Variants in PCGF2 observed in about 807,000 individuals in gnomAD.
The protein encoded by PCGF2 is polycomb group ring finger 2.
In PCGF2, 8 loss-of-function variants were observed where a neutral mutation model predicts 36.1. The ratio of observed to expected loss-of-function variants is 0.22; its 90% CI spans 0.13 to 0.40. The LOEUF (loss-of-function observed/expected upper bound fraction) is 0.40. PCGF2 is among the 10% of genes least tolerant of loss of function. The pLI, the probability that PCGF2 is intolerant of heterozygous loss-of-function variation, is 1.00. For synonymous variants in PCGF2, 198 were observed against 191.2 expected (o/e 1.04, Z -0.29); for missense variants, 436 against 475.9 (o/e 0.92, Z 0.78).
chr17:38,740,195 G>T, intron 3 of PCGF2, 96 bp downstream of exon 3: 1 of 1,136,796 alleles, frequency 8.8e-7, no homozygotes, highest in Non-Finnish European at 1.3e-6. Flanking sequence ...GGCTCTTTAG[G>T]GCAAGGGTTT....
At chr17:38,743,386 C>T (rs1347072938) in intron 2 of PCGF2, among the ~76,000 whole-genome samples, 7 of 117,522 alleles carry the variant, frequency 6.0e-5, no homozygotes, top group South Asian at 2.9e-4. Context: ...CCACCACACC[C>T]GGCTGACACT....
chr17:38,748,396 A>C (rs1173812404), upstream of PCGF2: 3 of 76,782 alleles, frequency 3.9e-5, no homozygotes. Flanking sequence ...GAGGGACCGG[A>C]GTGTGGGGGG....
At chr17:38,743,094 CTT>C (rs71138648) in intron 2 of PCGF2, among the ~76,000 whole-genome samples, 7 of 138,722 alleles carry the variant, frequency 5.0e-5, no homozygotes, top group Admixed American at 7.2e-5. Flanking sequence ...GACACTTGCT[CTT>C]TTTTTTTTTT....
At chr17:38,736,212 C>T (rs751817333) in intron 9 of PCGF2, 42 bp from the exon 10 acceptor site, 9 of 1,351,290 alleles carry the variant, frequency 6.7e-6, no homozygotes, top group East Asian at 4.9e-5. Context: ...CTGGCCAGCT[C>T]GGGGCTCCAG....
Position 38,739,377 on chromosome 17 carries a change from G to A in PCGF2, c.210-124C>T, listed in dbSNP as rs1907019593. ...TCCTGAGACCGGTGCCCAGGCATTAGGATCCCTGTGGGTCTGGTCTTTGCC... is the reference window on the plus strand; with the variant it reads ...TCCTGAGACCGGTGCCCAGGCATTAAGATCCCTGTGGGTCTGGTCTTTGCC... On this transcript the variant is annotated intron_variant, in intron 4 of 10. Coordinates refer to ENST00000620225, the MANE Select transcript of PCGF2 (RefSeq NM_007144.3). The surrounding 1 kb of genome is among the most constrained non-coding windows in gnomAD (Gnocchi z 4.0). 1 of 959,358 alleles carries A rather than the reference G, an allele frequency of 1.0e-6. No homozygotes were observed. The highest frequency in any genetic ancestry group is 1.9e-5 in the Admixed American group (1 of 52,108). 59.4% of individuals were successfully genotyped at this position (959,358 alleles called of 1,614,324 possible).
At chr17:38,738,975 C>A (rs1021526869) in intron 6 of PCGF2, 93 bp downstream of exon 6, 1 of 1,537,316 alleles carries the variant, frequency 6.5e-7, no homozygotes, top group East Asian at 2.2e-5. Context: ...GAGAGGTGTG[C>A]GCGGAGGAGG....
rs142726110 is a variant in PCGF2, at chr17:38,736,469, G to A, written c.577-299C>T. On this transcript the variant is annotated intron_variant, in intron 9 of 10. Coordinates refer to ENST00000620225, the MANE Select transcript of PCGF2 (RefSeq NM_007144.3). ...CAGGTCGCCCAGAGGAGCTGAAAAG[G>A]CTCAGGGGGATCTCCTGGAACTCTG... Among the ~76,000 whole-genome samples, 12 of 152,276 alleles carry A rather than the reference G, an allele frequency of 7.9e-5. No individual in the cohort carries two copies. The East Asian group carries it at 2.1e-3, about 27-fold the overall frequency.
At position 38,735,101 on chromosome 17, in the gene PCGF2, A is replaced by T; in HGVS notation, c.*122T>A. On this transcript the variant is annotated 3_prime_UTR_variant, in exon 11 of 11. Coordinates refer to ENST00000620225, the MANE Select transcript of PCGF2 (RefSeq NM_007144.3). ...CATATATATATATATTTATTTATAA[A>T]ACCCGCCCCCCACCCCCAAGGTGGG... 6 of 636,020 alleles carry T rather than the reference A, an allele frequency of 9.4e-6. No homozygotes were observed. The highest frequency in any genetic ancestry group is 1.4e-5 in the Non-Finnish European group (6 of 423,638). The allele number at this position is 636,020 out of a possible 1,614,324, so 39.4% of individuals were successfully genotyped here.
At chr17:38,749,567 C>T (rs1486713074), upstream of PCGF2, 1 of 450,516 alleles carries the variant, frequency 2.2e-6, no homozygotes, top group African/African-American at 2.0e-5. The surrounding 1 kb of genome is among the most constrained non-coding windows in gnomAD (Gnocchi z 6.5). Context: ...GCGTCTGTCC[C>T]TCCAGAGAGC....
Position 38,739,112 on chromosome 17 carries a change from A to G in PCGF2, c.272T>C (p.Met91Thr). ...TGCATAGAAATCCCGCCGCCGTTTC[A>G]TCTCATCTGGAAGAAGGCAGCAGGA... ...KLVPGLFKDEMKRRRDFYAAY... is the reference protein window; with the variant it reads ...KLVPGLFKDETKRRRDFYAAY... The change falls in exon 6 of 11, where the codon ATG becomes ACG. Residue 91 changes from methionine (M) to threonine (T), a missense_variant. By Grantham distance (81) the Met-to-Thr change is moderately conservative. This residue lies in a region of PCGF2 where 189 missense variants were observed against 219.3 expected (regional missense o/e 0.86). Transcript: ENST00000620225. The surrounding 1 kb of genome is among the most constrained non-coding windows in gnomAD (Gnocchi z 4.0). 1.2e-6 allele frequency: 2 copies of G among 1,614,052 alleles called. No individual in the cohort carries two copies. Among genetic ancestry groups the G allele is most frequent in the Non-Finnish European group, 8.5e-7 (1 of 1,180,014 alleles).
intron 6 of PCGF2, 98 bp downstream of exon 6, chr17:38,738,970 G>A: frequency 6.5e-7 from 1 of 1,535,258 alleles, no homozygotes. Flanking sequence ...TTCTGGAGAG[G>A]TGTGCGCGGA....
At chr17:38,743,249 C>T (rs946155105) in intron 2 of PCGF2, among the ~76,000 whole-genome samples, 3 of 146,972 alleles carry the variant, frequency 2.0e-5, no homozygotes, top group African/African-American at 5.2e-5. Context: ...TGCCACCACA[C>T]TGGCTAATTT....
chr17:38,738,303 T>G, intron 9 of PCGF2, 50 bp downstream of exon 9: 1 of 1,461,490 alleles, frequency 6.8e-7, no homozygotes, highest in Non-Finnish European at 9.6e-7. Flanking sequence ...ACAGACTGTC[T>G]GACACACCCA....
rs190076664 is a variant in PCGF2 at position 38,743,045 on chromosome 17, G to A, written c.-40-2603C>T. Among the ~76,000 whole-genome samples the A allele has an allele frequency of 2.0e-5, 3 of 151,292 alleles. No homozygotes were observed. The East Asian group carries it at 5.8e-4, about 29-fold the overall frequency. ...GCTCCGCACACTTCACATCGTGCCC[G>A]AGCCACCTCATTCACACACTCGCTG... On this transcript the variant is annotated intron_variant, in intron 2 of 10. Transcript: ENST00000620225.
Position 38,738,808 on chromosome 17 carries a change from C to A in PCGF2, c.370G>T (p.Ala124Ser). ...RGEVLEQEKG[A>S]LSDDEIVSLS... Reference sequence around the variant, plus strand: ...CTGACAATCTCATCATCACTCAGAGCCCCCTTCTCCTGCTCCAAGACCTCG... The same window carrying A: ...CTGACAATCTCATCATCACTCAGAGACCCCTTCTCCTGCTCCAAGACCTCG... The change falls in exon 7 of 11, where the codon GCT becomes TCT. Residue 124 changes from alanine (A) to serine (S), a missense_variant. By Grantham distance (99) the Ala-to-Ser change is moderately conservative (BLOSUM62 1). Transcript: ENST00000620225. The A allele has an allele frequency of 6.2e-7, 1 of 1,614,030 alleles. No individual in the cohort carries two copies.
intron 2 of PCGF2, among the ~76,000 whole-genome samples, chr17:38,745,100 A>C (rs1218689358): frequency 6.6e-6 from 1 of 152,210 alleles, no homozygotes; most frequent in Non-Finnish European, 1.5e-5. Flanking sequence ...CGGGAGGCCA[A>C]GACGGGCGGA....
In PCGF2 at chr17:38,739,590, T is replaced by C. The variant is rs760327885; in HGVS notation, c.205A>G (p.Ile69Val). 3.1e-6 allele frequency: 5 copies of C among 1,612,296 alleles called. No homozygotes were observed. The highest frequency in any genetic ancestry group is 2.2e-5 in the East Asian group (1 of 44,852). The stretch of plus-strand genomic sequence containing the variant: ...GAGGTGCCGTGCCAAGCCCACCTGA[T>C]GCTCAGCAGCGGCCGGGTTTTATGG... ...QVHKTRPLLS[I>V]RSDKTLQDIV... The change falls in exon 4 of 11, where the codon ATC (isoleucine) becomes GTC (valine). Residue 69 changes from isoleucine (I) to valine (V), a missense_variant. By Grantham distance (29) the Ile-to-Val change is conservative (BLOSUM62 3). This residue lies in a region of PCGF2 where 189 missense variants were observed against 219.3 expected (regional missense o/e 0.86). Transcript: ENST00000620225. The surrounding 1 kb of genome is among the most constrained non-coding windows in gnomAD (Gnocchi z 4.0).
chr17:38,741,497 C>G (rs1183446088), intron 2 of PCGF2, among the ~76,000 whole-genome samples: 1 of 152,114 alleles, frequency 6.6e-6, no homozygotes, highest in Non-Finnish European at 1.5e-5. Flanking sequence ...AGCCTCCTAT[C>G]TACTCCATCC....
At chr17:38,738,132 A>G (rs1413318197) in intron 9 of PCGF2, among the ~76,000 whole-genome samples, 6 of 152,140 alleles carry the variant, frequency 3.9e-5, no homozygotes, top group African/African-American at 1.4e-4. Context: ...ACATGCACAC[A>G]TACACACCGT....
Sources: allele counts gnomAD v4.1 joint callset (sites outside exome capture counted in the v4.1 genomes callset), GRCh38; gene constraint gnomAD v4.1.1; regional missense constraint gnomAD v4.1.1; non-coding constraint Gnocchi (gnomAD v3.1); transcripts MANE v1.5; gene names NCBI Gene and HGNC (gene_info 2026-07-23, HGNC 2026-07-21).